Variants in CRYBA4 observed in about 807,000 individuals in gnomAD.
CRYBA4 encodes crystallin beta A4.
In CRYBA4, 30 loss-of-function variants were observed where a neutral mutation model predicts 31.7. The observed-to-expected ratio is 0.95, with a 90% CI of 0.71 to 1.28. The LOEUF (loss-of-function observed/expected upper bound fraction) is 1.28, where lower values mean the gene tolerates loss of function less well. Ranked by LOEUF, CRYBA4 falls within the 50% of genes most tolerant of loss-of-function variation. The pLI is 0.00. For missense variants in CRYBA4, 225 were observed against 260.7 expected (o/e 0.86, Z 0.94); for synonymous variants, 102 against 102.3 (o/e 1.00, Z 0.02).
At chr22:26,603,832 G>C in the CRYBA4 span, among the ~76,000 whole-genome samples, 7 of 152,064 alleles carry the variant, frequency 4.6e-5, no homozygotes, top group Non-Finnish European at 1.0e-4. Context: ...GCTGAGGCAG[G>C]AGAATCACTT....
Position 26,622,643 on chromosome 22 carries a change from G to T in CRYBA4, c.39+8G>T. On this transcript the variant is annotated splice_region_variant and intron_variant, in intron 2 of 5. Transcript: ENST00000354760. ...TCAGCGGGACCCTGGAAGGTAGGAA[G>T]AGGCATGGGGAGGGGGTGTTCAGGG... The T allele has an allele frequency of 6.3e-7, 1 of 1,599,974 alleles. No homozygotes were observed. Among genetic ancestry groups the T allele is most frequent in the Non-Finnish European group, 8.6e-7 (1 of 1,167,312 alleles).
the CRYBA4 span, among the ~76,000 whole-genome samples, chr22:26,601,460 C>T: frequency 1.1e-4 from 17 of 151,914 alleles, no homozygotes; most frequent in Non-Finnish European, 2.1e-4. Context: ...AGGGTCAGGG[C>T]CATCTTATGA....
intron 5 of CRYBA4, among the ~76,000 whole-genome samples, chr22:26,630,015 A>G (rs1288151763): frequency 6.6e-6 from 1 of 152,256 alleles, no homozygotes; most frequent in African/African-American, 2.4e-5. Context: ...TTTGAAAACT[A>G]TCGAATTACA....
the CRYBA4 span, among the ~76,000 whole-genome samples, chr22:26,607,677 A>G: frequency 6.6e-6 from 1 of 152,080 alleles, no homozygotes; most frequent in East Asian, 1.9e-4. Context: ...TGTGCTTATC[A>G]TTTGCCCAGG....
At chr22:26,615,878 A>G in the CRYBA4 span, among the ~76,000 whole-genome samples, 1 of 152,098 alleles carries the variant, frequency 6.6e-6, no homozygotes, top group Admixed American at 6.5e-5. Context: ...GCTGGGCCAC[A>G]CTTGTGTCCC....
chr22:26,626,606 A>T (rs1929711553), intron 4 of CRYBA4, among the ~76,000 whole-genome samples: 1 of 152,162 alleles, frequency 6.6e-6, no homozygotes, highest in South Asian at 2.1e-4. Flanking sequence ...TTGGATTTTG[A>T]ATATTTTCCC....
the CRYBA4 span, among the ~76,000 whole-genome samples, chr22:26,608,810 C>T: frequency 2.0e-5 from 3 of 151,566 alleles, no homozygotes; most frequent in Admixed American, 2.0e-4. Context: ...TAGTATGAGG[C>T]AATGGGAAGG....
In CRYBA4 at chr22:26,627,364, CTTTCTTTCT is replaced by C. The variant is rs1569211590; in HGVS notation, c.301-921_301-913del. 1.3e-3 allele frequency among the ~76,000 whole-genome samples: 39 copies of C among 30,340 alleles called. 2 individuals carry two copies. The highest frequency in any genetic ancestry group is 3.9e-3 in the South Asian group (2 of 518). The allele number at this position is 30,340 out of a possible 152,430, so 19.9% of individuals were successfully genotyped here. On this transcript the variant is annotated intron_variant, in intron 4 of 5. Coordinates refer to ENST00000354760, the MANE Select transcript of CRYBA4 (RefSeq NM_001886.3). ...CCCTCCCTCCCTCCCTCCCTCCTTT[CTTTCTTTCT>C]TTCTTTCTTTCTTTCTTTCTTTCTT...
intron 5 of CRYBA4, 41 bp from the exon 6 acceptor site, chr22:26,630,299 G>A: frequency 6.2e-7 from 1 of 1,613,372 alleles, no homozygotes; most frequent in Non-Finnish European, 8.5e-7. Flanking sequence ...CACCATGCTG[G>A]TGTCTCTGTA....
intron 4 of CRYBA4, 41 bp from the exon 5 acceptor site, chr22:26,628,247 C>A (rs778135029): frequency 1.2e-6 from 2 of 1,613,468 alleles, no homozygotes; most frequent in African/African-American, 2.7e-5. Flanking sequence ...GGGTTTCCAA[C>A]TGGGAGCCTG....
intron 1 of CRYBA4, 93 bp downstream of exon 1, chr22:26,622,079 AC>A: frequency 1.6e-6 from 1 of 622,758 alleles, no homozygotes; most frequent in Non-Finnish European, 2.0e-6. Context: ...TAGGGATGTC[AC>A]TGTGTCATCC....
intron 1 of CRYBA4, 56 bp downstream of exon 1, chr22:26,622,042 G>A: frequency 1.1e-6 from 1 of 949,466 alleles, no homozygotes; most frequent in Non-Finnish European, 1.3e-6. Context: ...AGCATTCTGG[G>A]AGGCGAGGAA....
At chr22:26,629,057 C>T (rs1180246443) in intron 5 of CRYBA4, among the ~76,000 whole-genome samples, 1 of 152,192 alleles carries the variant, frequency 6.6e-6, no homozygotes, top group Non-Finnish European at 1.5e-5. Flanking sequence ...CCATAAAACA[C>T]AGGTGTGGCT....
chr22:26,618,917 C>T (rs1476362333), upstream of CRYBA4, among the ~76,000 whole-genome samples: 2 of 152,234 alleles, frequency 1.3e-5, no homozygotes, highest in African/African-American at 4.8e-5. Context: ...TTCCCCGCCT[C>T]TACCCAGGCC....
At chr22:26,597,679 T>C in the CRYBA4 span, among the ~76,000 whole-genome samples, 1 of 152,184 alleles carries the variant, frequency 6.6e-6, no homozygotes, top group South Asian at 2.1e-4. Context: ...CAATCAATAT[T>C]AACTGTTGAT....
At chr22:26,630,154 C>T (rs1291651631) in intron 5 of CRYBA4, among the ~76,000 whole-genome samples, 186 bp from the exon 6 acceptor site, 1 of 152,200 alleles carries the variant, frequency 6.6e-6, no homozygotes, top group East Asian at 1.9e-4. Context: ...TGGGATGGTG[C>T]TTCTGGCAAA....
At chr22:26,607,561 A>G in the CRYBA4 span, among the ~76,000 whole-genome samples, 282 of 23,774 alleles carry the variant, frequency 0.012, 1 homozygote, top group East Asian at 0.28. Flanking sequence ...CATCTTTGGG[A>G]AAAAAAAAAA....
chr22:26,629,866 A>G (rs1454698523), intron 5 of CRYBA4, among the ~76,000 whole-genome samples: 4 of 152,128 alleles, frequency 2.6e-5, no homozygotes, highest in Non-Finnish European at 5.9e-5. Context: ...TCACTTATTC[A>G]GCAAATATTT....
At chr22:26,617,182 G>A (rs1182359145), upstream of CRYBA4, among the ~76,000 whole-genome samples, 1 of 152,190 alleles carries the variant, frequency 6.6e-6, no homozygotes, top group East Asian at 1.9e-4. Context: ...GGGCTGGGTA[G>A]GCTTTGGGTG....
Sources: gnomAD v4.1 joint callset for allele counts (sites outside exome capture counted in the v4.1 genomes callset) on GRCh38, gnomAD v4.1.1 for gene constraint, MANE v1.5 for transcripts, NCBI Gene and HGNC (gene_info 2026-07-23, HGNC 2026-07-21) for gene names.